The following OPHN1 variants were observed in gnomAD, a reference collection of about 807,000 sequenced individuals.
OPHN1 encodes oligophrenin-1.
OPHN1 carries 11 observed loss-of-function variants against 60.7 expected under a neutral mutation model. The ratio of observed to expected loss-of-function variants is 0.18; its 90% CI spans 0.11 to 0.30. OPHN1 has a LOEUF of 0.30. Ranked by LOEUF, OPHN1 falls within the 10% of genes least tolerant of loss-of-function variation. The probability of loss-of-function intolerance (pLI) is 1.00; values close to 1 mark genes in which losing one functional copy is unlikely to be tolerated. For missense variants in OPHN1, 449 were observed against 611.0 expected, an observed-to-expected ratio of 0.73 and a Z score of 2.80; for synonymous variants, 226 against 222.6, an observed-to-expected ratio of 1.02 and a Z score of -0.14.
intron 15 of OPHN1, among the ~76,000 whole-genome samples, chrX:68,185,797 G>A (rs1361975000): frequency 3.6e-5 from 4 of 109,942 alleles, no homozygotes; most frequent in Admixed American, 2.0e-4. Flanking sequence ...AGGAGAAAGG[G>A]GATCATGAGG....
chrX:68,258,009 G>A (rs2077872731), intron 5 of OPHN1, among the ~76,000 whole-genome samples: 1 of 109,468 alleles, frequency 9.1e-6, no homozygotes, highest in Non-Finnish European at 1.9e-5. Context: ...AAGTAGAAAG[G>A]GCACCGGGAT....
At chrX:68,238,721 G>A (rs1602262491) in intron 5 of OPHN1, among the ~76,000 whole-genome samples, 1 of 111,347 alleles carries the variant, frequency 9.0e-6, no homozygotes, top group Non-Finnish European at 1.9e-5. Flanking sequence ...CATGAGACTG[G>A]GCTGTGGCTC....
At chrX:68,129,581 A>G (rs1157043073) in intron 15 of OPHN1, among the ~76,000 whole-genome samples, 2 of 112,300 alleles carry the variant, frequency 1.8e-5, no homozygotes, top group Non-Finnish European at 3.8e-5. Context: ...ATATATTGGT[A>G]AAGACCCTAA....
At chrX:68,116,650 G>C (rs1489512622) in intron 16 of OPHN1, among the ~76,000 whole-genome samples, 1 of 111,641 alleles carries the variant, frequency 9.0e-6, no homozygotes, top group African/African-American at 3.3e-5. Flanking sequence ...TCAATTGCCT[G>C]CTTAATATTG....
chrX:68,365,906 T>G (rs2078496094), intron 2 of OPHN1, among the ~76,000 whole-genome samples: 1 of 105,968 alleles, frequency 9.4e-6, no homozygotes, highest in South Asian at 4.4e-4. Flanking sequence ...GAGTGACATC[T>G]GATTTTTAAT....
intron 15 of OPHN1, among the ~76,000 whole-genome samples, chrX:68,152,085 GC>G (rs772967437): frequency 9.9e-5 from 11 of 110,892 alleles, no homozygotes; most frequent in Non-Finnish European, 3.8e-5. Context: ...AGGGGATGAT[GC>G]TAACCCACTC....
chrX:68,308,866 AC>A (rs1235923435), intron 2 of OPHN1, among the ~76,000 whole-genome samples: 1 of 109,258 alleles, frequency 9.2e-6, no homozygotes, highest in Non-Finnish European at 1.9e-5. Flanking sequence ...TGCAGCCTCA[AC>A]CTCCTGGGCT....
At chrX:68,118,961 T>A (rs1267044639) in intron 16 of OPHN1, among the ~76,000 whole-genome samples, 1 of 112,378 alleles carries the variant, frequency 8.9e-6, no homozygotes, top group Admixed American at 9.5e-5. Context: ...CATCACTCTA[T>A]CTGTGAAGAG....
chrX:68,307,311 G>A (rs759872317), intron 2 of OPHN1, among the ~76,000 whole-genome samples: 3 of 108,260 alleles, frequency 2.8e-5, no homozygotes, highest in Non-Finnish European at 5.7e-5. Flanking sequence ...AATAATAGCC[G>A]AGCATGGTGG....
chrX:68,391,362 C>T (rs1276517113), intron 2 of OPHN1, among the ~76,000 whole-genome samples: 1 of 110,890 alleles, frequency 9.0e-6, no homozygotes. Context: ...CTAAAATATC[C>T]ACAATGAGCA....
intron 2 of OPHN1, among the ~76,000 whole-genome samples, chrX:68,383,221 T>G (rs1319845013): frequency 9.0e-6 from 1 of 110,524 alleles, no homozygotes; most frequent in East Asian, 2.9e-4. Context: ...GAAAAATAGG[T>G]CACCTCTCAT....
intron 7 of OPHN1, among the ~76,000 whole-genome samples, chrX:68,212,721 C>G (rs1374763486): frequency 1.8e-5 from 2 of 112,419 alleles, no homozygotes; most frequent in African/African-American, 6.5e-5. Context: ...ACCCTTGACT[C>G]AGCTTCAGAA....
At chrX:68,132,922 C>A in intron 15 of OPHN1, 1 of 370,177 alleles carries the variant, frequency 2.7e-6, no homozygotes, top group East Asian at 4.9e-5. Flanking sequence ...GCTGCTGAGT[C>A]CCTGCTTCCC....
intron 15 of OPHN1, among the ~76,000 whole-genome samples, chrX:68,164,798 C>G (rs1006091677): frequency 2.7e-5 from 3 of 112,219 alleles, no homozygotes; most frequent in Non-Finnish European, 5.6e-5. Context: ...CACTAGAAAG[C>G]TGTTTCATCT....
At chrX:68,213,609 G>C (rs766327438) in intron 7 of OPHN1, among the ~76,000 whole-genome samples, 1 of 107,202 alleles carries the variant, frequency 9.3e-6, no homozygotes, top group African/African-American at 3.4e-5. Context: ...ATTCCGGAAG[G>C]GGGGAGGAAA....
At chrX:68,209,233 A>G (rs1191372545) in intron 9 of OPHN1, among the ~76,000 whole-genome samples, 3 of 112,022 alleles carry the variant, frequency 2.7e-5, no homozygotes, top group Admixed American at 1.9e-4. Context: ...TTACTGAGGA[A>G]TTAGGAAAGA....
In OPHN1 at chrX:68,073,227, T is replaced by A; in HGVS notation, c.1759A>T (p.Lys587Ter). The A allele has an allele frequency of 8.3e-7, 1 of 1,211,812 alleles. No individual in the cohort carries two copies. The highest frequency in any genetic ancestry group is 1.1e-6 in the Non-Finnish European group (1 of 895,331). Residue 587 changes from lysine (K) to a stop codon, truncating the protein, a stop_gained, in exon 20 of 25, where the codon AAA (lysine) becomes TAA (stop). Coordinates refer to ENST00000355520, the MANE Select transcript of OPHN1 (RefSeq NM_002547.3). LOFTEE classifies it high-confidence loss of function. ...AAGCGCTTTGAAATCGTGATTGGTTTGTGCCTTCTTGCTGTCACCCGAGGC... is the reference window on the plus strand; with the variant it reads ...AAGCGCTTTGAAATCGTGATTGGTTAGTGCCTTCTTGCTGTCACCCGAGGC... Reference protein sequence around the residue: ...PPPRVTARRHKPITISKRLLR... With the variant: ...PPPRVTARRH
At chrX:68,083,747 C>T (rs1029883687) in intron 19 of OPHN1, among the ~76,000 whole-genome samples, 4 of 112,145 alleles carry the variant, frequency 3.6e-5, no homozygotes, top group Admixed American at 1.9e-4. Context: ...GCAACTCCTT[C>T]TTTCACTTGC....
chrX:68,057,022 T>C lies in OPHN1; in HGVS notation c.2159-3212A>G, dbSNP rs767820437. Among the ~76,000 whole-genome samples the C allele has an allele frequency of 9.8e-5, 11 of 111,870 alleles. No homozygotes were observed. The South Asian group carries it at 4.2e-3, about 42-fold the overall frequency. On this transcript the variant is annotated intron_variant, in intron 21 of 24. Coordinates refer to ENST00000355520, the MANE Select transcript of OPHN1 (RefSeq NM_002547.3). ...CAGTGCTTTATGCACATTTTCTCAT[T>C]CAACACTGGCCACAATCTTGCAAGA...
Sources: gnomAD v4.1 joint callset for allele counts (sites outside exome capture counted in the v4.1 genomes callset) on GRCh38, gnomAD v4.1.1 for gene constraint, MANE v1.5 for transcripts, NCBI Gene and HGNC (gene_info 2026-07-23, HGNC 2026-07-21) for gene names.